CFAP47: variants seen among roughly 807,000 people sequenced by gnomAD.
CFAP47 encodes cilia- and flagella-associated protein 47.
In CFAP47, 29 loss-of-function variants were observed where a neutral mutation model predicts 148.1. The observed-to-expected ratio is 0.20, with a 90% CI of 0.15 to 0.27. The LOEUF is 0.27. Ranked by LOEUF, CFAP47 falls within the 10% of genes least tolerant of loss-of-function variation. The pLI is 1.00. For synonymous variants in CFAP47, 664 were observed against 577.3 expected, an observed-to-expected ratio of 1.15 and a Z score of -2.15; for missense variants, 1,872 against 1,697.5, an observed-to-expected ratio of 1.10 and a Z score of -1.81.
chrX:35,976,186 T>C (rs1026427231), intron 15 of CFAP47, among the ~76,000 whole-genome samples: 1 of 110,740 alleles, frequency 9.0e-6, no homozygotes, highest in African/African-American at 3.3e-5. Flanking sequence ...GAACTGGTTC[T>C]GGCTCACAGG....
chrX:36,108,278 G>A (rs968315328), intron 33 of CFAP47, among the ~76,000 whole-genome samples: 18 of 110,609 alleles, frequency 1.6e-4, no homozygotes, highest in African/African-American at 5.6e-4. Flanking sequence ...ATCCTCTTGT[G>A]GTTTTAAGTT....
chrX:35,951,899 C>A lies in CFAP47; in HGVS notation c.982C>A (p.Leu328Ile). The change falls in exon 6 of 64, where the codon CTT becomes ATT. Residue 328 changes from leucine (L) to isoleucine (I), a missense_variant. Transcript: ENST00000378653. ...NIDTTIIISC[L>I]PNEGTLQPYQ... The stretch of plus-strand genomic sequence containing the variant: ...AGATACTACTATCATTATCTCCTGT[C>A]TTCCTAATGAAGGGACTTTACAACC... 14 of 1,178,630 alleles carry A rather than the reference C, an allele frequency of 1.2e-5. No individual in the cohort carries two copies. Among genetic ancestry groups the A allele is most frequent in the Non-Finnish European group, 1.5e-5 (13 of 885,972 alleles).
chrX:36,044,620 A>G (rs1485822522), intron 25 of CFAP47, among the ~76,000 whole-genome samples: 2 of 111,821 alleles, frequency 1.8e-5, no homozygotes, highest in East Asian at 2.8e-4. Context: ...AGCTCCCAAT[A>G]AGTTCCTCAT....
intron 3 of CFAP47, among the ~76,000 whole-genome samples, chrX:35,946,125 C>T (rs916380178): frequency 2.7e-5 from 3 of 110,379 alleles, no homozygotes; most frequent in African/African-American, 9.9e-5. Context: ...CTCCCACCTC[C>T]GTCTTCCAAA....
chrX:36,201,195 C>G (rs1939976142), intron 43 of CFAP47, 79 bp from the exon 44 acceptor site: 2 of 294,510 alleles, frequency 6.8e-6, no homozygotes, highest in East Asian at 9.6e-5. Context: ...TATTTCAAAC[C>G]TCCCAAGTCC....
intron 51 of CFAP47, among the ~76,000 whole-genome samples, chrX:36,297,626 A>C (rs1486134965): frequency 8.9e-6 from 1 of 111,807 alleles, no homozygotes; most frequent in Admixed American, 9.5e-5. Context: ...TATGAGGATC[A>C]GGAAATATCT....
chrX:36,342,292 A>G (rs1472551995), intron 57 of CFAP47, among the ~76,000 whole-genome samples: 1 of 112,136 alleles, frequency 8.9e-6, no homozygotes, highest in Non-Finnish European at 1.9e-5. Context: ...TTGGGTAGGT[A>G]TGGATGAACA....
intron 57 of CFAP47, among the ~76,000 whole-genome samples, chrX:36,334,851 C>A (rs781956760): frequency 1.8e-5 from 2 of 109,957 alleles, no homozygotes; most frequent in Non-Finnish European, 3.8e-5. Context: ...TTGCTTGTGC[C>A]TTTTGATCTC....
At chrX:36,252,247 ATCCCTG>A (rs1390370629) in intron 49 of CFAP47, among the ~76,000 whole-genome samples, 3 of 109,060 alleles carry the variant, frequency 2.8e-5, no homozygotes, top group Non-Finnish European at 5.7e-5. Context: ...CTAGCCTCAC[ATCCCTG>A]CTTACCTCAA....
intron 29 of CFAP47, among the ~76,000 whole-genome samples, chrX:36,085,104 G>A (rs1394002033): frequency 5.4e-5 from 6 of 111,240 alleles, no homozygotes; most frequent in African/African-American, 2.0e-4. Context: ...AGATAATTAT[G>A]TGTGTTTAAA....
intron 45 of CFAP47, among the ~76,000 whole-genome samples, chrX:36,219,207 T>G (rs1027208677): frequency 8.9e-6 from 1 of 111,734 alleles, no homozygotes; most frequent in South Asian, 3.7e-4. Flanking sequence ...AGACATGTAT[T>G]TGGGGGTAAA....
intron 1 of CFAP47, among the ~76,000 whole-genome samples, chrX:35,924,340 T>C (rs1028123867): frequency 9.4e-6 from 1 of 106,625 alleles, no homozygotes; most frequent in Non-Finnish European, 1.9e-5. Flanking sequence ...TGTGTACATA[T>C]ATGTGTGCAT....
intron 37 of CFAP47, among the ~76,000 whole-genome samples, chrX:36,154,000 A>G (rs1054121011): frequency 1.6e-4 from 18 of 112,001 alleles, no homozygotes; most frequent in African/African-American, 5.2e-4. Flanking sequence ...GTAATTCTCC[A>G]TAGTTTTAAT....
chrX:35,987,445 C>G (rs1027154810), intron 15 of CFAP47, among the ~76,000 whole-genome samples: 6 of 110,997 alleles, frequency 5.4e-5, no homozygotes, highest in African/African-American at 2.0e-4. Flanking sequence ...TCAGTAATGG[C>G]AGACGCCCCT....
At chrX:36,195,671 C>T (rs782696280) in intron 42 of CFAP47, among the ~76,000 whole-genome samples, 7 of 111,186 alleles carry the variant, frequency 6.3e-5, no homozygotes, top group Non-Finnish European at 1.1e-4. Context: ...ATACTGCCCT[C>T]GGCTATTCCC....
chrX:36,371,728 ATGTG>A (rs782589743), intron 62 of CFAP47, among the ~76,000 whole-genome samples: 2 of 49,349 alleles, frequency 4.1e-5, no homozygotes, highest in Non-Finnish European at 7.1e-5. Context: ...ATATACACAC[ATGTG>A]TGTATATATG....
intron 55 of CFAP47, among the ~76,000 whole-genome samples, chrX:36,308,022 G>A (rs1444102684): frequency 9.0e-6 from 1 of 111,335 alleles, no homozygotes; most frequent in Non-Finnish European, 1.9e-5. Flanking sequence ...TTGCTGCATA[G>A]CAGGATTAGA....
intron 22 of CFAP47, among the ~76,000 whole-genome samples, chrX:36,024,739 G>A (rs1437893986): frequency 9.0e-6 from 1 of 111,197 alleles, no homozygotes; most frequent in African/African-American, 3.3e-5. Flanking sequence ...GTACCGTACT[G>A]CCACTGCCGG....
chrX:36,063,308 A>AT (rs1937609274), intron 26 of CFAP47, among the ~76,000 whole-genome samples: 1 of 111,553 alleles, frequency 9.0e-6, no homozygotes, highest in African/African-American at 3.3e-5. Context: ...CTCCAGAAAT[A>AT]TTTTTATTAA....
Sources: allele counts gnomAD v4.1 joint callset (sites outside exome capture counted in the v4.1 genomes callset), GRCh38; gene constraint gnomAD v4.1.1; transcripts MANE v1.5; gene names NCBI Gene and HGNC (gene_info 2026-07-23, HGNC 2026-07-21).